Variants in RDH10 observed in about 807,000 individuals in gnomAD.
RDH10 encodes the protein retinol dehydrogenase 10.
A neutral mutation model predicts 30.2 loss-of-function variants in RDH10; 12 were observed. The observed-to-expected ratio is 0.40, with a 90% confidence interval of 0.25 to 0.64. The LOEUF is 0.64. Among genes scored for constraint, RDH10 ranks in the 30% least tolerant of loss-of-function variants. The pLI, the probability that RDH10 is intolerant of heterozygous loss-of-function variation, is 0.43. For synonymous variants in RDH10, 189 were observed against 172.2 expected, an observed-to-expected ratio of 1.10 and a Z score of -0.76; for missense variants, 268 against 445.2, an observed-to-expected ratio of 0.60 and a Z score of 3.58.
At chr8:73,302,161 G>A (rs4371997) in intron 2 of RDH10, among the ~76,000 whole-genome samples, 32,274 of 151,990 alleles carry the variant, frequency 0.21, 3,460 homozygotes, top group Middle Eastern at 0.23. Context: ...CTGCTGTGAC[G>A]CTTCATCTTC....
At position 73,325,109 on chromosome 8, in the gene RDH10, TAGAGA is replaced by T. The variant is rs1453941442; in HGVS notation, c.*2075_*2079del. On this transcript the variant is annotated 3_prime_UTR_variant, in exon 6 of 6. Transcript: ENST00000240285. ...GAGCCTGGAGTACACCAGACCCTCC[TAGAGA>T]AATCTGTTATAATTTAACAACCCAC... The T allele has an allele frequency of 6.6e-6, 1 of 152,226 alleles. No homozygotes were observed. The highest frequency in any genetic ancestry group is 6.5e-5 in the Admixed American group (1 of 15,286). 9.4% of individuals were successfully genotyped at this position (152,226 alleles called of 1,614,324 possible).
At chr8:73,295,628 C>T in intron 1 of RDH10, 50 bp downstream of exon 1, 2 of 1,424,664 alleles carry the variant, frequency 1.4e-6, no homozygotes, top group Non-Finnish European at 1.8e-6. Flanking sequence ...TCTTTCCACC[C>T]CGCGCCCTAC....
At chr8:73,295,648 C>T (rs1814248605) in intron 1 of RDH10, 70 bp downstream of exon 1, 1 of 1,362,774 alleles carries the variant, frequency 7.3e-7, no homozygotes, top group Non-Finnish European at 9.6e-7. Context: ...CCACGGCAGG[C>T]CCCAAACCCC....
In RDH10 at chr8:73,322,732, A is replaced by C. The variant is rs1221366050; in HGVS notation, c.824A>C (p.Gln275Pro). Residue 275 changes from glutamine to proline, a missense_variant, in exon 5 of 6, where the codon CAG becomes CCG. This residue lies in a region of RDH10 where 136 missense variants were observed against 288.8 expected (regional missense o/e 0.47). Transcript: ENST00000240285. ...PPLKPDYCVK[Q>P]AMKAILTDQP... is the part of the protein sequence containing the mutation. ...CTGAAGCCTGATTACTGTGTGAAGC[A>C]GGCCATGAAGGCCATCCTCACTGAC... 1 of 1,613,860 alleles carries C rather than the reference A, an allele frequency of 6.2e-7. No individual in the cohort carries two copies. Among genetic ancestry groups the C allele is most frequent in the Non-Finnish European group, 8.5e-7 (1 of 1,179,704 alleles).
At chr8:73,308,250 T>TA (rs1294175369) in intron 2 of RDH10, among the ~76,000 whole-genome samples, 4 of 152,340 alleles carry the variant, frequency 2.6e-5, no homozygotes, top group African/African-American at 9.6e-5. Flanking sequence ...TAACAAAATG[T>TA]AAAACCTTTA....
chr8:73,313,076 CA>C (rs1468059314), intron 2 of RDH10: 1 of 152,208 alleles, frequency 6.6e-6, no homozygotes, highest in Non-Finnish European at 1.5e-5. Flanking sequence ...CTCAGAATTT[CA>C]AAAGTCAGAC....
intron 2 of RDH10, among the ~76,000 whole-genome samples, chr8:73,298,658 G>A (rs981587508): frequency 6.6e-6 from 1 of 152,092 alleles, no homozygotes; most frequent in South Asian, 2.1e-4. Context: ...CTCTTGAGTA[G>A]CTGGGACTAC....
intron 2 of RDH10, among the ~76,000 whole-genome samples, chr8:73,301,297 G>T (rs35274065): frequency 0.42 from 63,098 of 148,554 alleles, 14,373 homozygotes; most frequent in South Asian, 0.65. Flanking sequence ...TGATCCGCCC[G>T]CCTCGGCCTC....
At chr8:73,321,154 C>A in intron 4 of RDH10, 77 bp downstream of exon 4, 4 of 1,246,574 alleles carry the variant, frequency 3.2e-6, no homozygotes, top group Non-Finnish European at 4.5e-6. Flanking sequence ...TCAAACATAA[C>A]CTTGTATTTT....
chr8:73,296,826 C>CA (rs1231567734), intron 1 of RDH10, among the ~76,000 whole-genome samples: 3 of 151,942 alleles, frequency 2.0e-5, no homozygotes, highest in East Asian at 1.9e-4. Context: ...ACTGTTTCCC[C>CA]AAAAAAAGAG....
At chr8:73,295,615 G>C in intron 1 of RDH10, 37 bp downstream of exon 1, 1 of 1,448,670 alleles carries the variant, frequency 6.9e-7, no homozygotes, top group Non-Finnish European at 9.1e-7. Context: ...GTTGGGTCAA[G>C]CCTCTTTCCA....
At chr8:73,299,430 C>T (rs1327796790) in intron 2 of RDH10, among the ~76,000 whole-genome samples, 1 of 152,132 alleles carries the variant, frequency 6.6e-6, no homozygotes, top group Admixed American at 6.5e-5. Flanking sequence ...AAAACAACTA[C>T]CATTTGAAAT....
chr8:73,313,153 T>C (rs1439557719), intron 2 of RDH10: 1 of 152,250 alleles, frequency 6.6e-6, no homozygotes, highest in Non-Finnish European at 1.5e-5. Context: ...GTCCTGACAC[T>C]GCAGCTGCAG....
At chr8:73,315,614 A>C (rs1459847394) in intron 2 of RDH10, 1 of 455,686 alleles carries the variant, frequency 2.2e-6, no homozygotes, top group Non-Finnish European at 4.4e-6. Flanking sequence ...ACCTGCAGGC[A>C]AGACCAGAGC....
rs900654009 is a variant in RDH10, at chr8:73,322,763, C to T, written c.855C>T (p.Pro285=). 1.9e-6 allele frequency: 3 copies of T among 1,614,016 alleles called. No homozygotes were observed. Among genetic ancestry groups the T allele is most frequent in the Non-Finnish European group, 2.5e-6 (3 of 1,179,992 alleles). Reference sequence around the variant, plus strand: ...TGAAGGCCATCCTCACTGACCAGCCCATGATCTGCACTCCCCGCCTCATGT... The same window carrying T: ...TGAAGGCCATCCTCACTGACCAGCCTATGATCTGCACTCCCCGCCTCATGT... ...QAMKAILTDQ[P]MICTPRLMYI... Residue 285 remains proline, a synonymous_variant, in exon 5 of 6, where the codon CCC becomes CCT. Coordinates refer to ENST00000240285, the MANE Select transcript of RDH10 (RefSeq NM_172037.5).
intron 2 of RDH10, chr8:73,312,218 A>T (rs1357595758): frequency 6.6e-6 from 1 of 152,240 alleles, no homozygotes; most frequent in Non-Finnish European, 1.5e-5. Flanking sequence ...TTCAGGCATT[A>T]TAGGAGGTAT....
In RDH10 at chr8:73,322,794, G is replaced by A. The variant is rs74821757; in HGVS notation, c.886G>A (p.Val296Met). Residue 296 changes from valine (V) to methionine (M), a missense_variant, in exon 5 of 6, where the codon GTG (valine) becomes ATG (methionine). Around this residue, in one of 4 missense-constraint regions of RDH10, gnomAD observed 136 missense variants for 288.8 expected, o/e 0.47. Coordinates refer to ENST00000240285, the MANE Select transcript of RDH10 (RefSeq NM_172037.5). ...CTGCACTCCCCGCCTCATGTACATC[G>A]TGACCTTCATGAAGAGGTAACTGGG... ...MICTPRLMYIVTFMKSILPFE... is the reference protein window; with the variant it reads ...MICTPRLMYIMTFMKSILPFE... 59 of 1,614,106 alleles carry A rather than the reference G, an allele frequency of 3.7e-5. No individual in the cohort carries two copies. The highest frequency in any genetic ancestry group is 4.2e-5 in the Non-Finnish European group (49 of 1,180,020).
chr8:73,318,387 C>T (rs1814711432), intron 2 of RDH10, among the ~76,000 whole-genome samples: 1 of 152,250 alleles, frequency 6.6e-6, no homozygotes, highest in Non-Finnish European at 1.5e-5. Flanking sequence ...CTCTCTGCCT[C>T]ACTGTGTGGC....
At position 73,321,071 on chromosome 8, in the gene RDH10, G is replaced by A. The variant is rs950256022; in HGVS notation, c.764G>A (p.Arg255Gln). ...LVDTGMFRGC[R>Q]IRKEIEPFLP... The stretch of plus-strand genomic sequence containing the variant: ...GACACTGGCATGTTCAGAGGCTGCC[G>A]AATCAGGTCAGTGAGAACCTATATT... Residue 255 changes from arginine to glutamine, a missense_variant, in exon 4 of 6, where the codon CGA becomes CAA. Physicochemically the swap from Arg to Gln is conservative, Grantham distance 43. This residue lies in a region of RDH10 where 136 missense variants were observed against 288.8 expected (regional missense o/e 0.47). Transcript: ENST00000240285. 13 of 1,612,624 alleles carry A rather than the reference G, an allele frequency of 8.1e-6. No homozygotes were observed. In the East Asian group the frequency reaches 1.1e-4, roughly 14 times the overall value.
Sources: allele counts gnomAD v4.1 joint callset (sites outside exome capture counted in the v4.1 genomes callset), GRCh38; gene constraint gnomAD v4.1.1; regional missense constraint gnomAD v4.1.1; transcripts MANE v1.5; gene names NCBI Gene and HGNC (gene_info 2026-07-23, HGNC 2026-07-21).